The following LYZL2 variants were observed in gnomAD, a reference collection of about 807,000 sequenced individuals.
LYZL2 encodes lysozyme like 2.
A neutral mutation model predicts 17.1 loss-of-function variants in LYZL2; 13 were observed. The ratio of observed to expected loss-of-function variants is 0.76; its 90% CI spans 0.49 to 1.21. The LOEUF (loss-of-function observed/expected upper bound fraction) is 1.21. Among genes scored for constraint, LYZL2 ranks in the 50% most tolerant of loss-of-function variants. The probability of loss-of-function intolerance (pLI) is 0.00; values close to 1 mark genes in which losing one functional copy is unlikely to be tolerated. For missense variants in LYZL2, 166 were observed against 189.2 expected (o/e 0.88, Z 0.72); for synonymous variants, 63 against 74.4 (o/e 0.85, Z 0.79).
intron 1 of LYZL2, among the ~76,000 whole-genome samples, chr10:30,628,841 C>T (rs890315512): frequency 7.9e-5 from 12 of 152,286 alleles, no homozygotes; most frequent in South Asian, 2.1e-4. Context: ...ACATTACAAA[C>T]GTGAATAGCA....
chr10:30,609,918 T>G (rs540087487), downstream of LYZL2, among the ~76,000 whole-genome samples: 14 of 152,266 alleles, frequency 9.2e-5, no homozygotes, highest in South Asian at 2.1e-3. Context: ...GCTTAGAAAT[T>G]TTATGAGTTT....
At chr10:30,617,710 G>GAAAAAAAA (rs1378750745) in intron 3 of LYZL2, among the ~76,000 whole-genome samples, 1 of 112,394 alleles carries the variant, frequency 8.9e-6, no homozygotes. Flanking sequence ...AAAAGAAAAA[G>GAAAAAAAA]AAAAAAAAGA....
intron 3 of LYZL2, among the ~76,000 whole-genome samples, chr10:30,617,432 T>C (rs1838545923): frequency 6.6e-6 from 1 of 151,912 alleles, no homozygotes; most frequent in Non-Finnish European, 1.5e-5. Flanking sequence ...TCCCAGCACT[T>C]CAGGAGGCTG....
chr10:30,614,166 T>C (rs145137471), intron 3 of LYZL2, among the ~76,000 whole-genome samples: 130 of 152,346 alleles, frequency 8.5e-4, no homozygotes, highest in African/African-American at 3.0e-3. Context: ...AGTTCAACAT[T>C]ACTTCTACTG....
intron 3 of LYZL2, among the ~76,000 whole-genome samples, chr10:30,617,714 AAAAAG>A (rs1471881941): frequency 6.6e-6 from 1 of 150,710 alleles, no homozygotes; most frequent in Middle Eastern, 3.2e-3. Flanking sequence ...GAAAAAGAAA[AAAAAG>A]AAAAGAAAAG....
chr10:30,628,003 C>CA (rs1039121605), intron 1 of LYZL2, among the ~76,000 whole-genome samples: 24 of 152,136 alleles, frequency 1.6e-4, no homozygotes, highest in Admixed American at 3.3e-4. Context: ...ACTAAAAATA[C>CA]AAAAAAATTA....
chr10:30,613,558 G>C (rs185199294), intron 3 of LYZL2, among the ~76,000 whole-genome samples: 26 of 151,022 alleles, frequency 1.7e-4, no homozygotes, highest in African/African-American at 5.8e-4. Flanking sequence ...ATTTGGGTTA[G>C]TTTGACGTGT....
Position 30,611,813 on chromosome 10 carries a change from T to C in LYZL2, c.*142A>G. 7.0e-7 allele frequency: 1 copy of C among 1,432,702 alleles called. No homozygotes were observed. Among genetic ancestry groups the C allele is most frequent in the Non-Finnish European group, 9.5e-7 (1 of 1,051,270 alleles). The allele number at this position is 1,432,702 out of a possible 1,614,324, so 88.7% of individuals were successfully genotyped here. A position where few individuals can be genotyped will look rare whatever the true frequency, so the allele number is the denominator to read the frequency against. On this transcript the variant is annotated 3_prime_UTR_variant, in exon 5 of 5. Transcript: ENST00000647634. Reference sequence around the variant, plus strand: ...AGACATTTAAATGGAAATATTTATTTTCTTAAAAGTATAGCTTAATTTTCC... The same window carrying C: ...AGACATTTAAATGGAAATATTTATTCTCTTAAAAGTATAGCTTAATTTTCC...
At chr10:30,617,679 A>AAAAAAAAAAAAAAAAAAAAAAAAAAG (rs1838554252) in intron 3 of LYZL2, among the ~76,000 whole-genome samples, 15 of 106,974 alleles carry the variant, frequency 1.4e-4, no homozygotes, top group East Asian at 7.9e-4. Context: ...TGTCTCAAAA[A>AAAAAAAAAAAAAAAAAAAAAAAAAAG]AAAAAAAAAA....
rs754622888 is a variant in LYZL2, at chr10:30,626,174, T to C, written c.229A>G (p.Ile77Val). ...CGTCTGCACCACGCGAAGCTGTTGA[T>C]CTGGAAGATGCCGTAGTCGATGCTG... is the stretch of plus-strand genomic sequence containing the variant. ...DGSIDYGIFQ[I>V]NSFAWCRRGK... is the part of the protein sequence containing the mutation. Residue 77 changes from isoleucine (I) to valine (V), a missense_variant, in exon 3 of 5, where the codon ATC (isoleucine) becomes GTC (valine). Ile to Val is a conservative substitution (Grantham distance 29, BLOSUM62 3). Transcript: ENST00000647634. The C allele has an allele frequency of 1.9e-6, 3 of 1,614,122 alleles. No homozygotes were observed. Among genetic ancestry groups the C allele is most frequent in the African/African-American group, 1.3e-5 (1 of 75,064 alleles).
intron 1 of LYZL2, among the ~76,000 whole-genome samples, chr10:30,628,376 A>G (rs1354238396): frequency 6.6e-6 from 1 of 152,166 alleles, no homozygotes; most frequent in Non-Finnish European, 1.5e-5. Context: ...GGGGAGCAAG[A>G]GGGATGGAGG....
At chr10:30,619,571 A>G (rs1335646644) in intron 3 of LYZL2, among the ~76,000 whole-genome samples, 2 of 151,756 alleles carry the variant, frequency 1.3e-5, no homozygotes, top group East Asian at 1.9e-4. Flanking sequence ...GCAAACTATC[A>G]CAAGGACAAA....
intron 3 of LYZL2, among the ~76,000 whole-genome samples, chr10:30,618,308 A>C (rs1838567361): frequency 6.6e-6 from 1 of 152,268 alleles, no homozygotes; most frequent in South Asian, 2.1e-4. Flanking sequence ...CTTTCTTCAC[A>C]GAATTGGAAA....
intron 3 of LYZL2, among the ~76,000 whole-genome samples, chr10:30,619,334 C>A (rs1838583643): frequency 1.3e-5 from 2 of 152,124 alleles, no homozygotes; most frequent in Non-Finnish European, 2.9e-5. Context: ...TGGGTATATA[C>A]CCAAAGGATT....
chr10:30,615,523 C>T (rs1392548325), intron 3 of LYZL2, among the ~76,000 whole-genome samples: 1 of 145,578 alleles, frequency 6.9e-6, no homozygotes, highest in East Asian at 2.0e-4. Flanking sequence ...AAGTGTTCTT[C>T]TCTCTCTCTC....
At position 30,629,458 on chromosome 10, in the gene LYZL2, T is replaced by C. The variant is rs115757080; in HGVS notation, c.-26+135A>G. ...GGTTTCCATCCTCTGCCTTAGAATG[T>C]TAACTGATCTCAAACAAGTCAAAAC... On this transcript the variant is annotated intron_variant, in intron 1 of 4. Transcript: ENST00000647634. The C allele has an allele frequency of 1.2e-4, 94 of 798,264 alleles. No homozygotes were observed. The African/African-American group carries it at 1.6e-3, about 13-fold the overall frequency. The allele number at this position is 798,264 out of a possible 1,614,324, so 49.4% of individuals were successfully genotyped here. A position where few individuals can be genotyped will look rare whatever the true frequency, so the allele number is the denominator to read the frequency against.
intron 1 of LYZL2, 29 bp downstream of exon 1, chr10:30,629,564 T>A (rs1471382633): frequency 6.2e-7 from 1 of 1,610,034 alleles, no homozygotes; most frequent in East Asian, 2.2e-5. Flanking sequence ...CAGGGACAGG[T>A]GGCTTCATAA....
At chr10:30,611,463 C>T (rs923191008), downstream of LYZL2, among the ~76,000 whole-genome samples, 2 of 138,280 alleles carry the variant, frequency 1.4e-5, no homozygotes, top group African/African-American at 5.6e-5. Context: ...CGTACGACTG[C>T]ACTCCAGCCT....
chr10:30,618,626 T>G (rs1244728005), intron 3 of LYZL2, among the ~76,000 whole-genome samples: 3 of 152,200 alleles, frequency 2.0e-5, no homozygotes, highest in Non-Finnish European at 4.4e-5. Context: ...AGGCCATATG[T>G]AGAAAGCTGA....
Sources: gnomAD v4.1 joint callset for allele counts (sites outside exome capture counted in the v4.1 genomes callset) on GRCh38, gnomAD v4.1.1 for gene constraint, MANE v1.5 for transcripts, NCBI Gene and HGNC (gene_info 2026-07-23, HGNC 2026-07-21) for gene names.